IGSF5: variants seen among roughly 807,000 people sequenced by gnomAD.
IGSF5 encodes the protein immunoglobulin superfamily member 5.
IGSF5 carries 41 observed loss-of-function variants against 39.4 expected under a neutral mutation model. The ratio of observed to expected loss-of-function variants is 1.04; its 90% CI spans 0.81 to 1.35. IGSF5 has a LOEUF of 1.35. Ranked by LOEUF, IGSF5 falls within the 40% of genes most tolerant of loss-of-function variation. The probability of loss-of-function intolerance (pLI) is 0.00; values close to 1 mark genes in which losing one functional copy is unlikely to be tolerated. For synonymous variants in IGSF5, 183 were observed against 175.3 expected, an observed-to-expected ratio of 1.04 and a Z score of -0.34; for missense variants, 487 against 494.6, an observed-to-expected ratio of 0.98 and a Z score of 0.15.
chr21:39,727,260 A>G, the IGSF5 span, among the ~76,000 whole-genome samples: 1 of 152,232 alleles, frequency 6.6e-6, no homozygotes, highest in South Asian at 2.1e-4. Context: ...TGAGGTTCAC[A>G]GTAAAGGTTC....
At chr21:39,760,271 C>T (rs932557422) in intron 2 of IGSF5, among the ~76,000 whole-genome samples, 5 of 152,156 alleles carry the variant, frequency 3.3e-5, no homozygotes, top group African/African-American at 1.2e-4. Context: ...TTTGTAGGCA[C>T]TGGGATGTAA....
At chr21:39,798,155 T>G (rs1424983157) in intron 8 of IGSF5, among the ~76,000 whole-genome samples, 1 of 152,168 alleles carries the variant, frequency 6.6e-6, no homozygotes, top group Admixed American at 6.5e-5. Context: ...GCAGCTCTGC[T>G]TTTTAGGAGA....
intron 6 of IGSF5, among the ~76,000 whole-genome samples, chr21:39,790,378 G>A (rs78943306): frequency 0.04 from 6,158 of 152,180 alleles, 439 homozygotes; most frequent in African/African-American, 0.14. Flanking sequence ...CTACTGCTCT[G>A]GCCAGGCGTG....
At chr21:39,763,224 A>G (rs1476242143) in intron 2 of IGSF5, among the ~76,000 whole-genome samples, 1 of 152,168 alleles carries the variant, frequency 6.6e-6, no homozygotes, top group Non-Finnish European at 1.5e-5. Flanking sequence ...TCCAGTGTTT[A>G]TTCTGAAGAA....
the IGSF5 span, among the ~76,000 whole-genome samples, chr21:39,719,107 C>A: frequency 4.6e-5 from 7 of 152,264 alleles, no homozygotes; most frequent in South Asian, 1.5e-3. Context: ...ATTTATCCAT[C>A]TCTTCTAGGT....
At chr21:39,747,686 A>G (rs1243102941) in intron 2 of IGSF5, among the ~76,000 whole-genome samples, 1 of 152,198 alleles carries the variant, frequency 6.6e-6, no homozygotes, top group Admixed American at 6.5e-5. Context: ...AAACCAAATG[A>G]GTGGTTGTAT....
chr21:39,746,434 C>T (rs1030928547), intron 2 of IGSF5, 136 bp downstream of exon 2: 27 of 560,306 alleles, frequency 4.8e-5, no homozygotes, highest in Non-Finnish European at 7.9e-5. Flanking sequence ...GCTCCCATCC[C>T]TCTTTTTCTA....
chr21:39,721,456 G>A, the IGSF5 span, among the ~76,000 whole-genome samples: 2 of 152,334 alleles, frequency 1.3e-5, no homozygotes, highest in African/African-American at 4.8e-5. Flanking sequence ...TCAGGCGGAA[G>A]TCCTGCTTTT....
At chr21:39,736,612 C>T in the IGSF5 span, among the ~76,000 whole-genome samples, 3 of 152,160 alleles carry the variant, frequency 2.0e-5, no homozygotes, top group Non-Finnish European at 4.4e-5. Context: ...TCCTCTCTTG[C>T]CCCAGTGTGG....
chr21:39,728,510 C>G, the IGSF5 span, among the ~76,000 whole-genome samples: 4 of 152,160 alleles, frequency 2.6e-5, no homozygotes, highest in Non-Finnish European at 2.9e-5. Flanking sequence ...GACTCCCAAC[C>G]TCCAGAAATG....
intron 8 of IGSF5, among the ~76,000 whole-genome samples, chr21:39,800,214 C>T (rs2087021103): frequency 6.6e-6 from 1 of 152,144 alleles, no homozygotes; most frequent in African/African-American, 2.4e-5. Context: ...TCCTCCTTTT[C>T]CTCTCTTTGT....
the IGSF5 span, among the ~76,000 whole-genome samples, chr21:39,719,441 T>A: frequency 3.3e-5 from 5 of 152,188 alleles, no homozygotes; most frequent in Admixed American, 3.3e-4. Context: ...GGTGCCTGTG[T>A]TGTAAATCAT....
rs898158475 is a variant in IGSF5 at position 39,779,178 on chromosome 21, T to C, written c.807T>C (p.Leu269=). The C allele has an allele frequency of 3.1e-6, 5 of 1,614,028 alleles. No individual in the cohort carries two copies. The highest frequency in any genetic ancestry group is 4.2e-6 in the Non-Finnish European group (5 of 1,180,022). The part of the protein sequence containing the change: ...FSLPTWGKVG[L]GLAGTMLLTP... ...TGCCTACTTGGGGCAAAGTTGGACT[T>C]GGACTAGCAGGCACCATGCTTCTGA... Residue 269 remains leucine, a synonymous_variant, in exon 5 of 9, where the codon CTT becomes CTC. Coordinates refer to ENST00000380588, the MANE Select transcript of IGSF5 (RefSeq NM_001080444.2).
chr21:39,744,102 G>A (rs903808423), upstream of IGSF5, among the ~76,000 whole-genome samples: 8 of 152,102 alleles, frequency 5.3e-5, no homozygotes, highest in Non-Finnish European at 1.2e-4. Flanking sequence ...ATGGACCTCT[G>A]CTTATCGGAT....
intron 8 of IGSF5, among the ~76,000 whole-genome samples, chr21:39,799,735 T>C (rs1231240117): frequency 1.3e-5 from 2 of 152,180 alleles, no homozygotes; most frequent in Non-Finnish European, 2.9e-5. Context: ...AAGACTCCAC[T>C]GTCCACCTGG....
the IGSF5 span, among the ~76,000 whole-genome samples, chr21:39,737,496 C>T: frequency 1.9e-4 from 29 of 152,334 alleles, no homozygotes; most frequent in East Asian, 4.4e-3. Context: ...TCTGACCGAC[C>T]GGCTTCAAGC....
intron 5 of IGSF5, among the ~76,000 whole-genome samples, chr21:39,781,003 C>T (rs2080167180): frequency 6.6e-6 from 1 of 152,206 alleles, no homozygotes; most frequent in African/African-American, 2.4e-5. Flanking sequence ...CTAACTGCCA[C>T]TCAATGAACA....
At chr21:39,752,930 T>C (rs182695958) in intron 2 of IGSF5, among the ~76,000 whole-genome samples, 2 of 152,240 alleles carry the variant, frequency 1.3e-5, no homozygotes, top group Non-Finnish European at 2.9e-5. Context: ...TTTGCAAATA[T>C]TTCCCCCCAC....
At chr21:39,791,279 T>A (rs1247210744) in intron 6 of IGSF5, among the ~76,000 whole-genome samples, 1 of 152,244 alleles carries the variant, frequency 6.6e-6, no homozygotes, top group Non-Finnish European at 1.5e-5. Flanking sequence ...TCCTCCCTGA[T>A]TGGGCACTCG....
Sources: gnomAD v4.1 joint callset for allele counts (sites outside exome capture counted in the v4.1 genomes callset) on GRCh38, gnomAD v4.1.1 for gene constraint, MANE v1.5 for transcripts, NCBI Gene and HGNC (gene_info 2026-07-23, HGNC 2026-07-21) for gene names.